Variants in TRIM2 observed in about 807,000 individuals in gnomAD.
The protein encoded by TRIM2 is tripartite motif containing 2.
TRIM2 carries 20 observed loss-of-function variants against 75.2 expected under a neutral mutation model. The observed-to-expected ratio is 0.27, with a 90% CI of 0.19 to 0.39. TRIM2 has a LOEUF of 0.39. Ranked by LOEUF, TRIM2 falls within the 10% of genes least tolerant of loss-of-function variation. The probability of loss-of-function intolerance (pLI) is 1.00; values close to 1 mark genes in which losing one functional copy is unlikely to be tolerated. For synonymous variants in TRIM2, 373 were observed against 388.3 expected (o/e 0.96, Z 0.46); for missense variants, 660 against 990.8 (o/e 0.67, Z 4.48).
intron 11 of TRIM2, among the ~76,000 whole-genome samples, chr4:153,329,830 C>T (rs1460518988): frequency 6.6e-6 from 1 of 150,594 alleles, no homozygotes; most frequent in African/African-American, 2.4e-5. Context: ...GAAGGAGACT[C>T]TGTCTCAAAA....
At chr4:153,229,099 T>C (rs1742930350) in intron 1 of TRIM2, among the ~76,000 whole-genome samples, 1 of 152,226 alleles carries the variant, frequency 6.6e-6, no homozygotes, top group African/African-American at 2.4e-5. Context: ...CTGCTTAAGC[T>C]ACAGACCTTG....
chr4:153,283,070 C>G (rs1759729367), intron 3 of TRIM2, among the ~76,000 whole-genome samples: 1 of 152,180 alleles, frequency 6.6e-6, no homozygotes, highest in Non-Finnish European at 1.5e-5. Context: ...GAGTGAGCCA[C>G]TGCACCAGGT....
Position 153,314,283 on chromosome 4 carries a change from A to G in TRIM2, c.1511-1202A>G, listed in dbSNP as rs903152812. 8.0e-5 allele frequency among the ~76,000 whole-genome samples: 12 copies of G among 149,806 alleles called. 2 individuals carry two copies. The highest frequency in any genetic ancestry group is 3.0e-4 in the African/African-American group (12 of 40,042). ...AAAATACAAAAAATTAGCCGGGCGT[A>G]GTGGCGGGCGCCTGTAGTCCCAGCT... On this transcript the variant is annotated intron_variant, in intron 6 of 11. Coordinates refer to ENST00000338700, the MANE Select transcript of TRIM2 (RefSeq NM_015271.5).
In TRIM2 at chr4:153,188,241, C is replaced by T. The variant is rs553389474; in HGVS notation, c.-49+34971C>T. Reference sequence around the variant, plus strand: ...TTGGGAGTCTTCAGTGGGTGGATTGCTTGAACCCTGGAGTTTGAGACCAGC... The same window carrying T: ...TTGGGAGTCTTCAGTGGGTGGATTGTTTGAACCCTGGAGTTTGAGACCAGC... On this transcript the variant is annotated intron_variant, in intron 1 of 11. Coordinates refer to the TRIM2 transcript ENST00000437508. 5.3e-5 allele frequency among the ~76,000 whole-genome samples: 8 copies of T among 152,296 alleles called. No homozygotes were observed. In the South Asian group the frequency reaches 1.0e-3, roughly 20 times the overall value.
intron 6 of TRIM2, among the ~76,000 whole-genome samples, chr4:153,298,468 T>G (rs1763197988): frequency 6.6e-6 from 1 of 152,152 alleles, no homozygotes; most frequent in South Asian, 2.1e-4. Context: ...CAGCCCCTAT[T>G]GTCTCTTCCT....
intron 6 of TRIM2, among the ~76,000 whole-genome samples, chr4:153,313,821 G>A (rs1412410510): frequency 1.3e-5 from 2 of 151,040 alleles, no homozygotes; most frequent in South Asian, 2.1e-4. Context: ...ATTTTTAGTA[G>A]AGATGGGGTT....
rs983033002 is a variant in TRIM2 at position 153,249,115 on chromosome 4, G to A, written c.31-21220G>A. On this transcript the variant is annotated intron_variant, in intron 1 of 11. Coordinates refer to ENST00000338700, the MANE Select transcript of TRIM2 (RefSeq NM_015271.5). ...CTTACTCCCTCCTCTTCCCCACATC[G>A]CCACCACTTGAATCAGTTCTTTTAC... Among the ~76,000 whole-genome samples, 4 of 152,236 alleles carry A rather than the reference G, an allele frequency of 2.6e-5. No homozygotes were observed. In the South Asian group the frequency reaches 8.3e-4, roughly 31 times the overall value.
At chr4:153,257,689 G>A in intron 1 of TRIM2, 1 of 957,040 alleles carries the variant, frequency 1.0e-6, no homozygotes, top group Non-Finnish European at 1.5e-6. Flanking sequence ...CTTTTGGATT[G>A]CCGCGTAGCT....
chr4:153,302,856 G>A (rs951045411), intron 6 of TRIM2, among the ~76,000 whole-genome samples: 4 of 152,168 alleles, frequency 2.6e-5, no homozygotes, highest in Non-Finnish European at 5.9e-5. Context: ...TAAGGTCAAG[G>A]ATGGTGTCTT....
At chr4:153,230,563 T>C (rs1743355797) in intron 1 of TRIM2, among the ~76,000 whole-genome samples, 1 of 152,220 alleles carries the variant, frequency 6.6e-6, no homozygotes, top group African/African-American at 2.4e-5. Context: ...AGGCATAACA[T>C]ATTACCTTGT....
In TRIM2 at chr4:153,231,095, T is replaced by G. The variant is rs567123016; in HGVS notation, c.30+26535T>G. Among the ~76,000 whole-genome samples the G allele has an allele frequency of 3.9e-5, 6 of 152,366 alleles. No individual in the cohort carries two copies. The East Asian group carries it at 9.6e-4, about 24-fold the overall frequency. ...CACTAAAATACACGCTCAAGTATAC[T>G]TGATTGGTTGACATATGATAAATGG... On this transcript the variant is annotated intron_variant, in intron 1 of 11. Transcript: ENST00000338700.
chr4:153,245,543 A>G (rs1748909976), intron 1 of TRIM2, among the ~76,000 whole-genome samples: 1 of 152,258 alleles, frequency 6.6e-6, no homozygotes. Flanking sequence ...GTGTTTAAAT[A>G]ATTTGGAAAA....
chr4:153,216,725 G>A (rs1454089546), intron 1 of TRIM2, among the ~76,000 whole-genome samples: 5 of 152,188 alleles, frequency 3.3e-5, no homozygotes, highest in African/African-American at 7.2e-5. Flanking sequence ...TTTGGTGTCT[G>A]CTGAGGGCTG....
chr4:153,244,742 G>C (rs1226296806), intron 1 of TRIM2, among the ~76,000 whole-genome samples: 2 of 152,080 alleles, frequency 1.3e-5, no homozygotes, highest in African/African-American at 2.4e-5. Flanking sequence ...ATATGAACTA[G>C]AGAATAAATA....
chr4:153,212,069 C>A (rs1288993806), intron 1 of TRIM2, among the ~76,000 whole-genome samples: 4 of 152,110 alleles, frequency 2.6e-5, no homozygotes, highest in Non-Finnish European at 4.4e-5. Context: ...ATTTCCCAGC[C>A]TGTCAGAATG....
At chr4:153,242,863 GCTCT>G (rs1255858836) in intron 1 of TRIM2, among the ~76,000 whole-genome samples, 1 of 152,194 alleles carries the variant, frequency 6.6e-6, no homozygotes. Context: ...CACCTCCCCA[GCTCT>G]CTGTTTCTTT....
chr4:153,322,031 A>C (rs1769105019), intron 8 of TRIM2, among the ~76,000 whole-genome samples: 1 of 152,210 alleles, frequency 6.6e-6, no homozygotes, highest in Admixed American at 6.5e-5. Flanking sequence ...ATCTTTCACC[A>C]GATCACACCG....
chr4:153,160,706 T>C (rs1275820807), intron 1 of TRIM2, among the ~76,000 whole-genome samples: 1 of 152,180 alleles, frequency 6.6e-6, no homozygotes, highest in East Asian at 1.9e-4. Flanking sequence ...GCGATCCTTA[T>C]ACTTCAGCCT....
Position 153,339,058 on chromosome 4 carries a change from C to T in TRIM2, c.*4092C>T. The stretch of plus-strand genomic sequence containing the variant: ...GAACACTAAGTCTTGCACTCTCTGA[C>T]ATTGATACTGATATATTCTCGTCAT... On this transcript the variant is annotated 3_prime_UTR_variant, in exon 12 of 12. Coordinates refer to ENST00000338700, the MANE Select transcript of TRIM2 (RefSeq NM_015271.5). 1 of 985,552 alleles carries T rather than the reference C, an allele frequency of 1.0e-6. No individual in the cohort carries two copies. 61.1% of individuals were successfully genotyped at this position (985,552 alleles called of 1,614,324 possible). A position where few individuals can be genotyped will look rare whatever the true frequency, so the allele number is the denominator to read the frequency against.
Sources: gnomAD v4.1 joint callset for allele counts (sites outside exome capture counted in the v4.1 genomes callset) on GRCh38, gnomAD v4.1.1 for gene constraint, MANE v1.5 for transcripts, NCBI Gene and HGNC (gene_info 2026-07-23, HGNC 2026-07-21) for gene names.